Variants in CSMD1 observed in about 807,000 individuals in gnomAD.
The protein encoded by CSMD1 is CUB and Sushi multiple domains 1.
Under a neutral mutation model 417.5 loss-of-function variants are expected in CSMD1, and 213 were observed. The ratio of observed to expected loss-of-function variants is 0.51; its 90% confidence interval spans 0.46 to 0.57. The LOEUF (loss-of-function observed/expected upper bound fraction) is 0.57, where lower values mean the gene tolerates loss of function less well. Ranked by LOEUF, CSMD1 falls within the 20% of genes least tolerant of loss-of-function variation. The pLI is 0.00. For missense variants in CSMD1, 6,923 were observed against 4,529.7 expected, an observed-to-expected ratio of 1.53 and a Z score of -15.17; for synonymous variants, 2,862 against 1,736.8, an observed-to-expected ratio of 1.65 and a Z score of -16.11.
chr8:4,520,522 A>G (rs1263772776), intron 2 of CSMD1, among the ~76,000 whole-genome samples: 1 of 152,268 alleles, frequency 6.6e-6, no homozygotes, highest in East Asian at 1.9e-4. Flanking sequence ...AGACATCCCG[A>G]TAGGTGTCTT....
chr8:3,135,403 TCCCC>T, intron 41 of CSMD1, among the ~76,000 whole-genome samples: 1 of 152,092 alleles, frequency 6.6e-6, no homozygotes, highest in African/African-American at 2.4e-5. Context: ...ACTGGCTTCT[TCCCC>T]TTTAAAACAT....
intron 4 of CSMD1, among the ~76,000 whole-genome samples, chr8:4,004,948 G>T (rs144502820): frequency 6.6e-6 from 1 of 152,144 alleles, no homozygotes; most frequent in South Asian, 2.1e-4. Context: ...GTTTCACCGT[G>T]TTAGCCAGGA....
intron 4 of CSMD1, among the ~76,000 whole-genome samples, chr8:4,017,369 G>T (rs547488922): frequency 1.3e-5 from 2 of 152,052 alleles, no homozygotes; most frequent in Admixed American, 6.5e-5. Flanking sequence ...GCAATGGTGC[G>T]ATCTTGGCTC....
intron 10 of CSMD1, among the ~76,000 whole-genome samples, chr8:3,529,983 T>C (rs1797911028): frequency 6.6e-6 from 1 of 152,052 alleles, no homozygotes; most frequent in African/African-American, 2.4e-5. Flanking sequence ...CCATATGTCA[T>C]TTTTGTTTCC....
intron 1 of CSMD1, among the ~76,000 whole-genome samples, chr8:4,935,551 C>T (rs1232655402): frequency 6.6e-6 from 1 of 152,180 alleles, no homozygotes; most frequent in Non-Finnish European, 1.5e-5. Context: ...TAAGGTTATA[C>T]ACTTTTTTCT....
chr8:3,901,619 A>C (rs2129133893), intron 5 of CSMD1, among the ~76,000 whole-genome samples: 1 of 152,274 alleles, frequency 6.6e-6, no homozygotes, highest in Non-Finnish European at 1.5e-5. Context: ...TTCTCTGAAA[A>C]CCACCGAAGT....
intron 5 of CSMD1, among the ~76,000 whole-genome samples, chr8:3,815,530 CAAAAT>C (rs57269645): frequency 0.088 from 13,169 of 150,394 alleles, 844 homozygotes; most frequent in East Asian, 0.28. Flanking sequence ...AGATATCAAA[CAAAAT>C]AAAAGAAAAA....
At chr8:3,823,425 C>T (rs73172259) in intron 5 of CSMD1, among the ~76,000 whole-genome samples, 5,811 of 152,078 alleles carry the variant, frequency 0.038, 164 homozygotes, top group Non-Finnish European at 0.06. Flanking sequence ...ATTTCTTATG[C>T]AAAATTTAGG....
chr8:3,679,253 A>G (rs1393079327), intron 7 of CSMD1, among the ~76,000 whole-genome samples: 1 of 152,216 alleles, frequency 6.6e-6, no homozygotes, highest in Non-Finnish European at 1.5e-5. Context: ...TTGGATAAAG[A>G]GTCAAGACCC....
intron 9 of CSMD1, among the ~76,000 whole-genome samples, chr8:3,580,601 A>G (rs952339061): frequency 6.6e-6 from 1 of 152,114 alleles, no homozygotes; most frequent in Non-Finnish European, 1.5e-5. Context: ...AGAAAAATAT[A>G]TTTTCTCCCA....
intron 5 of CSMD1, among the ~76,000 whole-genome samples, chr8:3,994,251 G>C (rs1327612640): frequency 2.0e-5 from 3 of 151,292 alleles, no homozygotes; most frequent in East Asian, 1.9e-4. Context: ...TGTTTCTTTT[G>C]TTATATAAGT....
At chr8:3,455,378 G>A (rs1373563931) in intron 12 of CSMD1, among the ~76,000 whole-genome samples, 1 of 152,244 alleles carries the variant, frequency 6.6e-6, no homozygotes, top group African/African-American at 2.4e-5. Context: ...TTTGGAGGAG[G>A]AGAGGCACTC....
intron 9 of CSMD1, among the ~76,000 whole-genome samples, chr8:3,582,218 T>A (rs1283494686): frequency 1.3e-5 from 2 of 152,222 alleles, no homozygotes; most frequent in Non-Finnish European, 2.9e-5. Context: ...CTGTTTTAGG[T>A]AGGATTTATC....
At chr8:4,271,021 G>C (rs1458867691) in intron 3 of CSMD1, among the ~76,000 whole-genome samples, 1 of 152,218 alleles carries the variant, frequency 6.6e-6, no homozygotes, top group Non-Finnish European at 1.5e-5. Flanking sequence ...GCAGGTCCTA[G>C]TGGGAAGAGA....
intron 2 of CSMD1, among the ~76,000 whole-genome samples, chr8:4,584,051 A>G (rs1375598453): frequency 6.6e-6 from 1 of 151,836 alleles, no homozygotes; most frequent in Non-Finnish European, 1.5e-5. Flanking sequence ...ACTCACTACG[A>G]AGGTCTGCAG....
intron 10 of CSMD1, among the ~76,000 whole-genome samples, chr8:3,568,162 T>C (rs1167842037): frequency 6.6e-6 from 1 of 152,194 alleles, no homozygotes; most frequent in African/African-American, 2.4e-5. Flanking sequence ...ATGAAAGTCT[T>C]TTTGAGGGTT....
Position 4,020,455 on chromosome 8 carries a change from G to C in CSMD1, c.610+11450C>G, listed in dbSNP as rs116147337. Among the ~76,000 whole-genome samples the C allele has an allele frequency of 6.8e-3, 1,042 of 152,312 alleles. 16 individuals carry two copies. Among genetic ancestry groups the C allele is most frequent in the African/African-American group, 0.024 (1,000 of 41,566 alleles). On this transcript the variant is annotated intron_variant, in intron 4 of 69. Transcript: ENST00000635120. Reference sequence around the variant, plus strand: ...TATGCTCTATTGATATTATAGGATAGGGCTTGGTTATGTGACCGCTAGGGT... The same window carrying C: ...TATGCTCTATTGATATTATAGGATACGGCTTGGTTATGTGACCGCTAGGGT...
At position 3,818,128 on chromosome 8, in the gene CSMD1, G is replaced by T. The variant is rs182379523; in HGVS notation, c.819-64086C>A. Among the ~76,000 whole-genome samples, 6 of 152,194 alleles carry T rather than the reference G, an allele frequency of 3.9e-5. No individual in the cohort carries two copies. The East Asian group carries it at 1.2e-3, about 30-fold the overall frequency. The stretch of plus-strand genomic sequence containing the variant: ...ATTCCCTGAGAGCCCAGGACCCAAA[G>T]AGAGTTTCAGCTAAGGGTAGTGCCT... On this transcript the variant is annotated intron_variant, in intron 5 of 69. Transcript: ENST00000635120.
At chr8:3,141,695 G>A (rs1818492133) in intron 41 of CSMD1, among the ~76,000 whole-genome samples, 1 of 152,054 alleles carries the variant, frequency 6.6e-6, no homozygotes, top group Non-Finnish European at 1.5e-5. Flanking sequence ...ATCGCACTCG[G>A]GAACAGCAGA....
Sources: allele counts gnomAD v4.1 joint callset (sites outside exome capture counted in the v4.1 genomes callset), GRCh38; gene constraint gnomAD v4.1.1; transcripts MANE v1.5; gene names NCBI Gene and HGNC (gene_info 2026-07-23, HGNC 2026-07-21).